Variants in CHDH observed in about 807,000 individuals in gnomAD.
CHDH encodes the protein choline dehydrogenase.
In CHDH, 43 loss-of-function variants were observed where a neutral mutation model predicts 56.9. The ratio of observed to expected loss-of-function variants is 0.76; its 90% confidence interval spans 0.59 to 0.97. CHDH has a LOEUF of 0.97. Among genes scored for constraint, CHDH ranks in the 50% least tolerant of loss-of-function variants. The pLI, the probability that CHDH is intolerant of heterozygous loss-of-function variation, is 0.00. For missense variants in CHDH, 816 were observed against 821.1 expected, an observed-to-expected ratio of 0.99 and a Z score of 0.08; for synonymous variants, 364 against 348.5, an observed-to-expected ratio of 1.04 and a Z score of -0.50.
In CHDH at chr3:53,818,054, C is replaced by T. The variant is rs201249706; in HGVS notation, c.1508G>A (p.Arg503Gln). The T allele has an allele frequency of 8.1e-6, 13 of 1,614,174 alleles. No individual in the cohort carries two copies. Among genetic ancestry groups the T allele is most frequent in the Middle Eastern group, 1.6e-4 (1 of 6,062 alleles). ...GTGGTAGGCGCTGTCGGCTTTTGCC[C>T]GCACAAAGGCATCTATCTCTTTATC... ...QSDKEIDAFV[R>Q]AKADSAYHPS... Residue 503 changes from arginine (R) to glutamine (Q), a missense_variant, in exon 9 of 9, where the codon CGG (arginine) becomes CAG (glutamine). By Grantham distance (43) the Arg-to-Gln change is conservative. Coordinates refer to ENST00000315251, the MANE Select transcript of CHDH (RefSeq NM_018397.5).
chr3:53,824,712 C>A (rs2095635823), intron 2 of CHDH, among the ~76,000 whole-genome samples: 1 of 152,180 alleles, frequency 6.6e-6, no homozygotes, highest in Non-Finnish European at 1.5e-5. Context: ...AGCGTTTTAA[C>A]AGAAAAATGG....
rs973867424 is a variant in CHDH, at chr3:53,819,790, C to G, written c.1121-116G>C. On this transcript the variant is annotated intron_variant, in intron 6 of 8. Transcript: ENST00000315251. This position sits in a 1 kb window ranked among gnomAD's most constrained non-coding sequence, Gnocchi z 5.4. ...CTCCTCTTCCTTTTCCCGGACTCCA[C>G]TCTAGTGCCTGGACCCAAGTCCTGT... 31 of 1,278,108 alleles carry G rather than the reference C, an allele frequency of 2.4e-5. No homozygotes were observed. In the African/African-American group the frequency reaches 4.2e-4, roughly 17 times the overall value. 79.2% of individuals were successfully genotyped at this position (1,278,108 alleles called of 1,614,324 possible).
intron 2 of CHDH, among the ~76,000 whole-genome samples, chr3:53,830,402 T>TTTTATA (rs138442869): frequency 6.8e-6 from 1 of 147,042 alleles, no homozygotes; most frequent in Admixed American, 6.8e-5. Flanking sequence ...CTAAATGAGA[T>TTTTATA]TATATATATA....
chr3:53,838,487 G>A (rs1373828255), intron 2 of CHDH, among the ~76,000 whole-genome samples: 1 of 152,190 alleles, frequency 6.6e-6, no homozygotes, highest in Non-Finnish European at 1.5e-5. Flanking sequence ...TAGGGAGGTG[G>A]GTATGGGTAA....
intron 2 of CHDH, among the ~76,000 whole-genome samples, chr3:53,831,031 A>G (rs1698317332): frequency 6.6e-6 from 1 of 152,128 alleles, no homozygotes; most frequent in Non-Finnish European, 1.5e-5. Context: ...GCCAGAGGGG[A>G]GCCCACTGCC....
chr3:53,839,055 G>C (rs1452607007), intron 2 of CHDH, among the ~76,000 whole-genome samples: 5 of 152,168 alleles, frequency 3.3e-5, no homozygotes, highest in Non-Finnish European at 7.3e-5. Flanking sequence ...GGTGATGTCA[G>C]AACAAGCGGG....
chr3:53,837,952 G>C (rs534556820), intron 2 of CHDH, among the ~76,000 whole-genome samples: 1 of 150,892 alleles, frequency 6.6e-6, no homozygotes, highest in Non-Finnish European at 1.5e-5. Flanking sequence ...CCAGCTACTC[G>C]AGGCTTAGGC....
chr3:53,817,480 G>C lies in CHDH; in HGVS notation c.*297C>G, dbSNP rs2095617874. The stretch of plus-strand genomic sequence containing the variant: ...ACGTGAACACAAGAAAAAGGATGCG[G>C]CAGGAGTTAACCATCCTCCCCTTCT... On this transcript the variant is annotated 3_prime_UTR_variant, in exon 9 of 9. Coordinates refer to ENST00000315251, the MANE Select transcript of CHDH (RefSeq NM_018397.5). The C allele has an allele frequency of 2.5e-6, 1 of 400,742 alleles. No individual in the cohort carries two copies. The highest frequency in any genetic ancestry group is 2.0e-5 in the African/African-American group (1 of 49,904). 24.8% of individuals were successfully genotyped at this position (400,742 alleles called of 1,614,324 possible).
rs2095621124 is a variant in CHDH at position 53,819,074 on chromosome 3, T to G, written c.1264-34A>C. Reference sequence around the variant, plus strand: ...ACACAGAGGAAGCAGTGACGGTCCCTCCATAGACATCCACAGTGACCTCTG... The same window carrying G: ...ACACAGAGGAAGCAGTGACGGTCCCGCCATAGACATCCACAGTGACCTCTG... On this transcript the variant is annotated intron_variant, in intron 7 of 8. Coordinates refer to ENST00000315251, the MANE Select transcript of CHDH (RefSeq NM_018397.5). The surrounding 1 kb of genome is among the most constrained non-coding windows in gnomAD (Gnocchi z 5.4). The G allele has an allele frequency of 1.4e-6, 2 of 1,412,516 alleles. No homozygotes were observed. Among genetic ancestry groups the G allele is most frequent in the South Asian group, 2.4e-5 (2 of 83,708 alleles). 87.5% of individuals were successfully genotyped at this position (1,412,516 alleles called of 1,614,324 possible). A position where few individuals can be genotyped will look rare whatever the true frequency, so the allele number is the denominator to read the frequency against.
chr3:53,838,124 G>A (rs1166843716), intron 2 of CHDH, among the ~76,000 whole-genome samples: 2 of 150,132 alleles, frequency 1.3e-5, no homozygotes. Flanking sequence ...TAACACCCAG[G>A]CAAGGGTGGG....
chr3:53,818,787 A>C, intron 8 of CHDH, 151 bp downstream of exon 8: 1 of 691,870 alleles, frequency 1.4e-6, no homozygotes, highest in Non-Finnish European at 2.7e-6. Context: ...TGCCTATGCA[A>C]GTTTACAGCC....
At chr3:53,820,728 C>T in intron 5 of CHDH, 120 bp from the exon 6 acceptor site, 1 of 1,267,562 alleles carries the variant, frequency 7.9e-7, no homozygotes, top group South Asian at 1.4e-5. Context: ...AGCTCCTGCT[C>T]AGTTCCCTGG....
chr3:53,825,289 G>C (rs1187040047), intron 2 of CHDH, among the ~76,000 whole-genome samples: 2 of 152,234 alleles, frequency 1.3e-5, no homozygotes, highest in East Asian at 3.8e-4. Flanking sequence ...AAGAGATAAA[G>C]TAGTCAACAG....
At chr3:53,827,563 A>G (rs1357896274) in intron 2 of CHDH, among the ~76,000 whole-genome samples, 3 of 152,166 alleles carry the variant, frequency 2.0e-5, no homozygotes, top group Non-Finnish European at 4.4e-5. Flanking sequence ...GGCTGCAGAG[A>G]GGTATGATTG....
At chr3:53,828,035 C>T (rs1049217066) in intron 2 of CHDH, among the ~76,000 whole-genome samples, 1 of 152,188 alleles carries the variant, frequency 6.6e-6, no homozygotes, top group Admixed American at 6.5e-5. Flanking sequence ...GTGAATAGAT[C>T]AATGGAACAG....
chr3:53,821,831 A>T lies in CHDH; in HGVS notation c.856-55T>A. ...GAAAAGCCAGCTGTTCTCCTGACTCACAGACCAGCGCCCTACTCTAGCCAG... is the reference window on the plus strand; with the variant it reads ...GAAAAGCCAGCTGTTCTCCTGACTCTCAGACCAGCGCCCTACTCTAGCCAG... On this transcript the variant is annotated intron_variant, in intron 4 of 8. Transcript: ENST00000315251. 6 of 1,601,344 alleles carry T rather than the reference A, an allele frequency of 3.7e-6. No individual in the cohort carries two copies. In the South Asian group the frequency reaches 6.7e-5, roughly 18 times the overall value.
chr3:53,837,072 T>C (rs779637255), intron 2 of CHDH, among the ~76,000 whole-genome samples: 16 of 152,092 alleles, frequency 1.1e-4, no homozygotes, highest in Non-Finnish European at 1.6e-4. Flanking sequence ...TGTGTACCTA[T>C]AGTCCTAGCT....
At position 53,836,720 on chromosome 3, in the gene CHDH, C is replaced by T. The variant is rs181776186; in HGVS notation, c.-60+4209G>A. Among the ~76,000 whole-genome samples, 577 of 152,310 alleles carry T rather than the reference C, an allele frequency of 3.8e-3. 17 individuals carry two copies. The highest frequency in any genetic ancestry group is 0.036 in the Admixed American group (549 of 15,298). On this transcript the variant is annotated intron_variant, in intron 2 of 8. Coordinates refer to ENST00000315251, the MANE Select transcript of CHDH (RefSeq NM_018397.5). ...GACACATGCAGGGGATGAGGCTGCA[C>T]GTGGCCTACAGCAAACCCAACCTGC...
rs2095622836 is a variant in CHDH, at chr3:53,819,859, C to G, written c.1121-185G>C. 6.6e-6 allele frequency among the ~76,000 whole-genome samples: 1 copy of G among 152,222 alleles called. No individual in the cohort carries two copies. ...CACAGGGGGCTCACCCAGCACCACA[C>G]CATAAAATGTCAGCTATTTGCCAAA... On this transcript the variant is annotated intron_variant, in intron 6 of 8. Coordinates refer to ENST00000315251, the MANE Select transcript of CHDH (RefSeq NM_018397.5). The surrounding 1 kb of genome is among the most constrained non-coding windows in gnomAD (Gnocchi z 5.4).
Sources: allele counts gnomAD v4.1 joint callset (sites outside exome capture counted in the v4.1 genomes callset), GRCh38; gene constraint gnomAD v4.1.1; non-coding constraint Gnocchi (gnomAD v3.1); transcripts MANE v1.5; gene names NCBI Gene and HGNC (gene_info 2026-07-23, HGNC 2026-07-21).